Variants in STARD13 observed in about 807,000 individuals in gnomAD.
STARD13 encodes the protein stAR-related lipid transfer protein 13.
In STARD13, 62 loss-of-function variants were observed where a neutral mutation model predicts 106.4. The observed-to-expected ratio is 0.58, with a 90% CI of 0.48 to 0.72. STARD13 has a LOEUF of 0.72. Among genes scored for constraint, STARD13 ranks in the 30% least tolerant of loss-of-function variants. The pLI is 0.00. For synonymous variants in STARD13, 565 were observed against 553.0 expected (o/e 1.02, Z -0.31); for missense variants, 1,387 against 1,424.0 (o/e 0.97, Z 0.42).
the STARD13 span, among the ~76,000 whole-genome samples, chr13:33,386,985 G>T: frequency 6.6e-6 from 1 of 152,030 alleles, no homozygotes; most frequent in East Asian, 1.9e-4. Flanking sequence ...GGTTTGGTTG[G>T]GTTGACAGGT....
the STARD13 span, among the ~76,000 whole-genome samples, chr13:33,420,797 A>G: frequency 1.3e-5 from 2 of 152,238 alleles, no homozygotes; most frequent in African/African-American, 4.8e-5. Context: ...AGGATTAAGA[A>G]TCTCACTCAA....
chr13:33,568,372 G>T, the STARD13 span, among the ~76,000 whole-genome samples: 4 of 147,954 alleles, frequency 2.7e-5, no homozygotes, highest in African/African-American at 9.9e-5. Flanking sequence ...TGGGTCAAAT[G>T]ACTTTTGCAA....
chr13:33,108,103 A>C (rs1051628883), intron 12 of STARD13, among the ~76,000 whole-genome samples: 1 of 152,216 alleles, frequency 6.6e-6, no homozygotes, highest in African/African-American at 2.4e-5. Context: ...ATTTGTTGGG[A>C]TAAATGGGAG....
At chr13:33,372,003 G>T in the STARD13 span, among the ~76,000 whole-genome samples, 3 of 152,200 alleles carry the variant, frequency 2.0e-5, no homozygotes, top group African/African-American at 7.2e-5. Flanking sequence ...AAGTGTGAGG[G>T]CCTATGGATT....
At chr13:33,565,775 T>C in the STARD13 span, among the ~76,000 whole-genome samples, 1 of 148,394 alleles carries the variant, frequency 6.7e-6, no homozygotes, top group Non-Finnish European at 1.5e-5. Context: ...GCCAGGAACT[T>C]GATCCAACAT....
the STARD13 span, among the ~76,000 whole-genome samples, chr13:33,455,579 A>G: frequency 6.6e-6 from 1 of 151,928 alleles, no homozygotes; most frequent in Non-Finnish European, 1.5e-5. Context: ...AATCTGGCTC[A>G]TTGCTTATTT....
At chr13:33,610,065 G>A in the STARD13 span, among the ~76,000 whole-genome samples, 20,622 of 152,068 alleles carry the variant, frequency 0.14, 2,213 homozygotes, top group African/African-American at 0.29. Flanking sequence ...GATTTACATT[G>A]ATATTCACAA....
In STARD13 at chr13:33,105,612, C is replaced by T; in HGVS notation, c.3323G>A (p.Gly1108Asp). ...CAAAACTCAGATTTTAGTTTCTGGG[C>T]CCTCAGCAATGAGGGGCTGGAAAGA... ...RNSFQPLIAE[G>D]PETKI is the part of the protein sequence containing the mutation. Residue 1108 changes from glycine (G) to aspartate (D), a missense_variant, in exon 14 of 14, where the codon GGC becomes GAC. Coordinates refer to ENST00000336934, the MANE Select transcript of STARD13 (RefSeq NM_178006.4). 6.2e-7 allele frequency: 1 copy of T among 1,613,466 alleles called. No individual in the cohort carries two copies. Among genetic ancestry groups the T allele is most frequent in the South Asian group, 1.1e-5 (1 of 91,066 alleles).
the STARD13 span, among the ~76,000 whole-genome samples, chr13:33,620,622 C>G: frequency 6.6e-6 from 1 of 151,756 alleles, no homozygotes; most frequent in African/African-American, 2.4e-5. Context: ...CTGCATTCAC[C>G]AAGATAAACT....
At chr13:33,414,409 T>G in the STARD13 span, among the ~76,000 whole-genome samples, 4 of 152,126 alleles carry the variant, frequency 2.6e-5, no homozygotes, top group Non-Finnish European at 5.9e-5. Flanking sequence ...CTTCAATGGG[T>G]GAATGGTTGA....
the STARD13 span, among the ~76,000 whole-genome samples, chr13:33,549,688 G>A: frequency 8.5e-5 from 13 of 152,226 alleles, no homozygotes; most frequent in South Asian, 2.1e-4. Context: ...AATTAGAGCC[G>A]CATTATTGCT....
At chr13:33,180,901 A>G (rs1425248699) in intron 1 of STARD13, among the ~76,000 whole-genome samples, 1 of 152,196 alleles carries the variant, frequency 6.6e-6, no homozygotes, top group Non-Finnish European at 1.5e-5. Flanking sequence ...AAAATAAGGA[A>G]CAAGTAAATA....
chr13:33,666,779 A>T, the STARD13 span, among the ~76,000 whole-genome samples: 1 of 152,056 alleles, frequency 6.6e-6, no homozygotes, highest in Non-Finnish European at 1.5e-5. Context: ...TTTAGTAGAG[A>T]CAGGGTTTCA....
At chr13:33,626,314 A>C in the STARD13 span, among the ~76,000 whole-genome samples, 1 of 152,304 alleles carries the variant, frequency 6.6e-6, no homozygotes, top group Middle Eastern at 3.4e-3. Context: ...TCAGTACCTC[A>C]CGCTTGACCT....
the STARD13 span, among the ~76,000 whole-genome samples, chr13:33,581,045 T>G: frequency 6.6e-6 from 1 of 152,182 alleles, no homozygotes; most frequent in Non-Finnish European, 1.5e-5. Flanking sequence ...AGAATTTGAT[T>G]TATTAAATAT....
intron 1 of STARD13, among the ~76,000 whole-genome samples, chr13:33,217,064 A>G (rs939236090): frequency 2.0e-5 from 3 of 152,074 alleles, no homozygotes; most frequent in Admixed American, 1.3e-4. Flanking sequence ...GTAGTCTGCT[A>G]TCACTGGACT....
At chr13:33,579,286 C>G in the STARD13 span, among the ~76,000 whole-genome samples, 1 of 151,908 alleles carries the variant, frequency 6.6e-6, no homozygotes, top group Non-Finnish European at 1.5e-5. Flanking sequence ...AGAAAATGTG[C>G]TACTATACAC....
chr13:33,540,056 G>T, the STARD13 span, among the ~76,000 whole-genome samples: 3 of 152,210 alleles, frequency 2.0e-5, no homozygotes, highest in South Asian at 6.2e-4. Flanking sequence ...AAAATAGCAA[G>T]TGTTGGCATT....
the STARD13 span, among the ~76,000 whole-genome samples, chr13:33,515,544 T>C: frequency 6.6e-6 from 1 of 152,154 alleles, no homozygotes; most frequent in African/African-American, 2.4e-5. Context: ...TCTGGGGCAC[T>C]AGAAAGTGGG....
Sources: allele counts gnomAD v4.1 joint callset (sites outside exome capture counted in the v4.1 genomes callset), GRCh38; gene constraint gnomAD v4.1.1; transcripts MANE v1.5; gene names NCBI Gene and HGNC (gene_info 2026-07-23, HGNC 2026-07-21).